ROBO2: variants seen among roughly 807,000 people sequenced by gnomAD.
The protein encoded by ROBO2 is roundabout guidance receptor 2.
Under a neutral mutation model 160.8 loss-of-function variants are expected in ROBO2, and 53 were observed. That is an observed-to-expected ratio of 0.33 (90% CI 0.26 to 0.41). The LOEUF (loss-of-function observed/expected upper bound fraction) is 0.41. Among genes scored for constraint, ROBO2 ranks in the 10% least tolerant of loss-of-function variants. The probability of loss-of-function intolerance (pLI) is 1.00; values close to 1 mark genes in which losing one functional copy is unlikely to be tolerated. For missense variants in ROBO2, 1,577 were observed against 1,722.4 expected, an observed-to-expected ratio of 0.92 and a Z score of 1.49; for synonymous variants, 664 against 611.7, an observed-to-expected ratio of 1.09 and a Z score of -1.26.
intron 2 of ROBO2, among the ~76,000 whole-genome samples, chr3:76,296,763 C>G (rs1418804170): frequency 2.6e-5 from 4 of 152,118 alleles, no homozygotes; most frequent in Non-Finnish European, 5.9e-5. Context: ...CAGTGTCTAA[C>G]TAACTTGCCG....
chr3:76,049,403 A>ATATATATATATATATCTTTTTTTTTTT (rs1414664360), intron 2 of ROBO2, among the ~76,000 whole-genome samples: 1 of 53,752 alleles, frequency 1.9e-5, no homozygotes, highest in African/African-American at 1.5e-4. Context: ...ATATATATAT[A>ATATATATATATATATCTTTTTTTTTTT]TTTTTTTTTT....
At chr3:76,940,145 G>C (rs13091686) in intron 2 of ROBO2, among the ~76,000 whole-genome samples, 2 of 151,570 alleles carry the variant, frequency 1.3e-5, no homozygotes. Context: ...CCACGCCCGG[G>C]TAATTTTTTT....
At chr3:76,831,638 A>G (rs1263760560) in intron 2 of ROBO2, among the ~76,000 whole-genome samples, 1 of 152,154 alleles carries the variant, frequency 6.6e-6, no homozygotes, top group Non-Finnish European at 1.5e-5. Context: ...ATATTTATAC[A>G]TTTGTATTAT....
chr3:77,576,798 T>A (rs952823036), intron 14 of ROBO2, among the ~76,000 whole-genome samples: 1 of 152,124 alleles, frequency 6.6e-6, no homozygotes, highest in Non-Finnish European at 1.5e-5. Context: ...AAGTTTTCAA[T>A]CTTAACTTGC....
intron 6 of ROBO2, among the ~76,000 whole-genome samples, chr3:77,528,522 A>G (rs2091379717): frequency 2.0e-5 from 3 of 151,626 alleles, no homozygotes; most frequent in African/African-American, 7.3e-5. Context: ...TGGTTTCCCA[A>G]TCTGACTTTC....
intron 2 of ROBO2, among the ~76,000 whole-genome samples, chr3:76,999,104 T>C (rs2061194975): frequency 6.6e-6 from 1 of 152,008 alleles, no homozygotes. Context: ...GGAGTGATGA[T>C]GTGCTTACAG....
chr3:77,057,936 C>A (rs915100388), intron 1 of ROBO2, among the ~76,000 whole-genome samples: 1 of 151,854 alleles, frequency 6.6e-6, no homozygotes. Flanking sequence ...CACATGTATA[C>A]CTATGTAACA....
intron 2 of ROBO2, among the ~76,000 whole-genome samples, chr3:76,265,577 T>C (rs142784603): frequency 2.1e-3 from 324 of 152,252 alleles, no homozygotes; most frequent in Middle Eastern, 0.014. Context: ...ACTGAAAATG[T>C]TTTTGTATTG....
chr3:76,606,218 C>T (rs971127992), intron 2 of ROBO2, among the ~76,000 whole-genome samples: 3 of 152,064 alleles, frequency 2.0e-5, no homozygotes, highest in African/African-American at 7.2e-5. Flanking sequence ...CTAATTTTGC[C>T]ATAAATCTAT....
chr3:75,935,786 A>T (rs1576204447), intron 1 of ROBO2, among the ~76,000 whole-genome samples: 5 of 152,204 alleles, frequency 3.3e-5, no homozygotes. Flanking sequence ...TTGGACTACA[A>T]TTGGGAGATC....
chr3:77,576,069 G>A (rs184281775), intron 14 of ROBO2, among the ~76,000 whole-genome samples: 3 of 152,122 alleles, frequency 2.0e-5, no homozygotes, highest in Admixed American at 6.6e-5. Flanking sequence ...CGGTGTTCTC[G>A]CCGAGCCAGC....
chr3:77,033,270 T>G (rs2063432257), intron 2 of ROBO2, among the ~76,000 whole-genome samples: 4 of 152,166 alleles, frequency 2.6e-5, no homozygotes, highest in Non-Finnish European at 4.4e-5. Flanking sequence ...GATAATTGAG[T>G]GGAAATGCTA....
chr3:77,430,936 A>G (rs1277782715), intron 2 of ROBO2, among the ~76,000 whole-genome samples: 1 of 152,174 alleles, frequency 6.6e-6, no homozygotes, highest in Non-Finnish European at 1.5e-5. Context: ...CAGTCTAGCC[A>G]TGGTTTCCCA....
rs1228459564 is a variant in ROBO2, at chr3:77,003,288, T to A, written c.110-94726T>A. On this transcript the variant is annotated intron_variant, in intron 2 of 26. Coordinates refer to the ROBO2 transcript ENST00000487694. ...AATATGGGAGCAAGACACCTCCATA[T>A]CCAGGAAGAATTCAGAATAGGCAAT... 8.5e-5 allele frequency among the ~76,000 whole-genome samples: 13 copies of A among 152,246 alleles called. No homozygotes were observed. In the South Asian group the frequency reaches 2.7e-3, roughly 32 times the overall value.
intron 2 of ROBO2, among the ~76,000 whole-genome samples, chr3:76,333,840 T>C (rs1230578371): frequency 2.0e-5 from 3 of 152,138 alleles, no homozygotes; most frequent in East Asian, 1.9e-4. Context: ...ATGTCCTTTG[T>C]AGGGACATGG....
intron 2 of ROBO2, among the ~76,000 whole-genome samples, chr3:76,382,116 C>T (rs932436500): frequency 1.1e-4 from 17 of 152,046 alleles, no homozygotes; most frequent in African/African-American, 4.1e-4. Context: ...CAGGTGTGCA[C>T]CAATATGCCT....
chr3:77,489,424 CTGAGT>C (rs1197272870), intron 4 of ROBO2, among the ~76,000 whole-genome samples: 3 of 152,142 alleles, frequency 2.0e-5, no homozygotes, highest in African/African-American at 7.2e-5. Context: ...TGCACCCCTG[CTGAGT>C]TCATTTGAAC....
At chr3:76,046,673 C>T (rs2107792920) in intron 2 of ROBO2, among the ~76,000 whole-genome samples, 1 of 152,066 alleles carries the variant, frequency 6.6e-6, no homozygotes, top group East Asian at 1.9e-4. Flanking sequence ...AAAAGCCTGA[C>T]TGGACCACAT....
chr3:76,232,954 C>T (rs139765568), intron 2 of ROBO2, among the ~76,000 whole-genome samples: 7 of 152,260 alleles, frequency 4.6e-5, no homozygotes, highest in African/African-American at 1.7e-4. Flanking sequence ...GTGTTAATCT[C>T]GCACCGTCAC....
Sources: allele counts gnomAD v4.1 joint callset (sites outside exome capture counted in the v4.1 genomes callset), GRCh38; gene constraint gnomAD v4.1.1; transcripts MANE v1.5; gene names NCBI Gene and HGNC (gene_info 2026-07-23, HGNC 2026-07-21).